The following ZCCHC7 variants were observed in gnomAD, a reference collection of about 807,000 sequenced individuals.
The protein encoded by ZCCHC7 is zinc finger CCHC-type containing 7.
A neutral mutation model predicts 52.0 loss-of-function variants in ZCCHC7; 35 were observed. That is an observed-to-expected ratio of 0.67 (90% CI 0.51 to 0.89). ZCCHC7 has a LOEUF of 0.89. ZCCHC7 is among the 40% of genes least tolerant of loss of function. ZCCHC7 has a pLI of 0.00. For synonymous variants in ZCCHC7, 217 were observed against 221.5 expected, an observed-to-expected ratio of 0.98 and a Z score of 0.18; for missense variants, 574 against 649.1, an observed-to-expected ratio of 0.88 and a Z score of 1.26.
At chr9:37,121,998 A>C (rs62535673) in intron 1 of ZCCHC7, among the ~76,000 whole-genome samples, 7,151 of 152,308 alleles carry the variant, frequency 0.047, 249 homozygotes, top group Non-Finnish European at 0.071. Flanking sequence ...GAGTAAGAAA[A>C]ATTTTACTTT....
intron 2 of ZCCHC7, among the ~76,000 whole-genome samples, chr9:37,202,938 T>C (rs150583101): frequency 2.6e-5 from 4 of 152,378 alleles, no homozygotes; most frequent in African/African-American, 9.6e-5. Flanking sequence ...TCTGGAATCT[T>C]ATGAACAAAA....
intron 2 of ZCCHC7, among the ~76,000 whole-genome samples, chr9:37,152,105 G>T (rs1191667072): frequency 2.0e-5 from 3 of 152,160 alleles, no homozygotes; most frequent in Non-Finnish European, 2.9e-5. Context: ...GAGATTGAAA[G>T]AATTTCTCTC....
intron 2 of ZCCHC7, among the ~76,000 whole-genome samples, chr9:37,161,815 T>C (rs1055931871): frequency 6.6e-6 from 1 of 152,168 alleles, no homozygotes; most frequent in African/African-American, 2.4e-5. Context: ...GAGCTAGCAG[T>C]TCTGCATTTG....
intron 2 of ZCCHC7, among the ~76,000 whole-genome samples, chr9:37,267,328 A>AGC (rs1374486853): frequency 2.3e-4 from 35 of 152,268 alleles, no homozygotes; most frequent in African/African-American, 8.4e-4. Flanking sequence ...CCTCTTGCTG[A>AGC]AAGTGTTCTT....
chr9:37,226,362 G>T (rs1333491932), intron 2 of ZCCHC7, among the ~76,000 whole-genome samples: 1 of 152,134 alleles, frequency 6.6e-6, no homozygotes, highest in Non-Finnish European at 1.5e-5. Context: ...TTTTCCAGAT[G>T]TATCTATTTA....
At chr9:37,129,450 T>C (rs1345013739) in intron 2 of ZCCHC7, among the ~76,000 whole-genome samples, 1 of 152,236 alleles carries the variant, frequency 6.6e-6, no homozygotes, top group Non-Finnish European at 1.5e-5. Context: ...TGTAATCCTA[T>C]TTCCAATTAA....
chr9:37,213,030 C>A lies in ZCCHC7; in HGVS notation c.610+86088C>A, dbSNP rs746174615. ...GATGTTCGGAATTTACTGAACTCTT[C>A]GCTTAGATATTCAACTGTTTTCTGT... is the stretch of plus-strand genomic sequence containing the variant. On this transcript the variant is annotated intron_variant, in intron 2 of 8. Coordinates refer to ENST00000336755, the MANE Select transcript of ZCCHC7 (RefSeq NM_032226.3). Among the ~76,000 whole-genome samples, 10 of 152,136 alleles carry A rather than the reference C, an allele frequency of 6.6e-5. No individual in the cohort carries two copies. The South Asian group carries it at 1.9e-3, about 28-fold the overall frequency.
At chr9:37,318,641 G>A (rs1177933536) in intron 5 of ZCCHC7, among the ~76,000 whole-genome samples, 2 of 151,958 alleles carry the variant, frequency 1.3e-5, no homozygotes, top group Non-Finnish European at 2.9e-5. Flanking sequence ...GGCCCTGTGT[G>A]GTGGCTCACA....
At chr9:37,327,899 G>A (rs771509969) in intron 6 of ZCCHC7, 65 bp downstream of exon 6, 20 of 1,537,424 alleles carry the variant, frequency 1.3e-5, no homozygotes, top group Non-Finnish European at 1.8e-5. Context: ...CTGAACTGCT[G>A]ACCATAAAAT....
Position 37,207,935 on chromosome 9 carries a change from C to T in ZCCHC7, c.610+80993C>T, listed in dbSNP as rs201884691. Among the ~76,000 whole-genome samples the T allele has an allele frequency of 1.1e-4, 17 of 151,722 alleles. No homozygotes were observed. In the East Asian group the frequency reaches 2.7e-3, roughly 24 times the overall value. ...TCATCGTTTTATCACTTTTTATGAC[C>T]GAGGTTTAGTGAATAGTTTTAAGTT... On this transcript the variant is annotated intron_variant, in intron 2 of 8. Coordinates refer to ENST00000336755, the MANE Select transcript of ZCCHC7 (RefSeq NM_032226.3).
intron 2 of ZCCHC7, among the ~76,000 whole-genome samples, chr9:37,134,673 G>T (rs142344639): frequency 1.7e-3 from 265 of 152,220 alleles, no homozygotes; most frequent in African/African-American, 5.9e-3. Flanking sequence ...GTCCTTACAT[G>T]TGTATATCTT....
chr9:37,354,752 C>T lies in ZCCHC7; in HGVS notation c.1126C>T (p.Pro376Ser). Residue 376 changes from proline (P) to serine (S), a missense_variant, in exon 8 of 9, where the codon CCA becomes TCA. By Grantham distance (74) the Pro-to-Ser change is moderately conservative (BLOSUM62 -1). Around this residue, in one of 3 missense-constraint regions of ZCCHC7, gnomAD observed 403 missense variants for 461.2 expected, o/e 0.87. Transcript: ENST00000336755. The surrounding 1 kb of genome is among the most constrained non-coding windows in gnomAD (Gnocchi z 4.0). Reference sequence around the variant, plus strand: ...AGTGTATGACCCGTCTCCAGTATCTCCATTCATCTGCTACTATGATGACAA... The same window carrying T: ...AGTGTATGACCCGTCTCCAGTATCTTCATTCATCTGCTACTATGATGACAA... Reference protein sequence around the residue: ...REVYDPSPVSPFICYYDDKYE... With the variant: ...REVYDPSPVSSFICYYDDKYE... 6.2e-7 allele frequency: 1 copy of T among 1,613,410 alleles called. No individual in the cohort carries two copies. Among genetic ancestry groups the T allele is most frequent in the Non-Finnish European group, 8.5e-7 (1 of 1,179,484 alleles).
intron 2 of ZCCHC7, among the ~76,000 whole-genome samples, chr9:37,148,223 C>G (rs1023380051): frequency 2.0e-4 from 30 of 152,000 alleles, no homozygotes; most frequent in African/African-American, 7.3e-4. Context: ...ATAACTAGGG[C>G]CTTTTGTGAA....
Position 37,357,125 on chromosome 9 carries a change from C to T in ZCCHC7, c.1489C>T (p.Arg497Cys), listed in dbSNP as rs762638698. Residue 497 changes from arginine (R) to cysteine (C), a missense_variant, in exon 9 of 9, where the codon CGT (arginine) becomes TGT (cysteine). Around this residue, in one of 3 missense-constraint regions of ZCCHC7, gnomAD observed 168 missense variants for 171.6 expected, o/e 0.98. Transcript: ENST00000336755. ...CCAGAAGCCTTCTAAGCCCTTTCAC[C>T]GTTCATCACATTACCACACGTCAAG... ...KTQKPSKPFH[R>C]SSHYHTSRED... is the part of the protein sequence containing the mutation. 7 of 1,613,532 alleles carry T rather than the reference C, an allele frequency of 4.3e-6. No homozygotes were observed. The East Asian group carries it at 6.7e-5, about 15-fold the overall frequency.
intron 2 of ZCCHC7, among the ~76,000 whole-genome samples, chr9:37,267,577 T>C (rs1827172757): frequency 2.1e-5 from 3 of 145,662 alleles, no homozygotes; most frequent in Admixed American, 1.4e-4. Flanking sequence ...TTTTTTTTTT[T>C]TTTTTTTTTT....
chr9:37,132,513 CATAT>C (rs1203718665), intron 2 of ZCCHC7, among the ~76,000 whole-genome samples: 3 of 151,248 alleles, frequency 2.0e-5, no homozygotes, highest in Admixed American at 2.0e-4. Context: ...TCAAGTCATT[CATAT>C]ATGTATGTAT....
At chr9:37,141,484 C>T (rs1035771368) in intron 2 of ZCCHC7, among the ~76,000 whole-genome samples, 4 of 151,562 alleles carry the variant, frequency 2.6e-5, no homozygotes, top group Non-Finnish European at 5.9e-5. Context: ...ATTTTTGAGC[C>T]ATTGAGAAGC....
intron 2 of ZCCHC7, among the ~76,000 whole-genome samples, chr9:37,270,983 C>T (rs1344610402): frequency 6.6e-6 from 1 of 151,890 alleles, no homozygotes; most frequent in African/African-American, 2.4e-5. Context: ...GTTTGGTTAC[C>T]CGAATGAGGG....
At chr9:37,132,877 G>A (rs889965616) in intron 2 of ZCCHC7, among the ~76,000 whole-genome samples, 1 of 152,202 alleles carries the variant, frequency 6.6e-6, no homozygotes, top group Non-Finnish European at 1.5e-5. Context: ...GGTGGCTCAC[G>A]CCTGTAATCC....
Sources: allele counts gnomAD v4.1 joint callset (sites outside exome capture counted in the v4.1 genomes callset), GRCh38; gene constraint gnomAD v4.1.1; regional missense constraint gnomAD v4.1.1; non-coding constraint Gnocchi (gnomAD v3.1); transcripts MANE v1.5; gene names NCBI Gene and HGNC (gene_info 2026-07-23, HGNC 2026-07-21).